Variants in MGAT4A observed in about 807,000 individuals in gnomAD.
MGAT4A encodes the protein alpha-1,3-mannosyl-glycoprotein 4-beta-N-acetylglucosaminyltransferase A.
Under a neutral mutation model 74.1 loss-of-function variants are expected in MGAT4A, and 33 were observed. That is an observed-to-expected ratio of 0.45 (90% CI 0.34 to 0.60). MGAT4A has a LOEUF of 0.60. MGAT4A is among the 20% of genes least tolerant of loss of function. The probability of loss-of-function intolerance (pLI) is 0.02; values close to 1 mark genes in which losing one functional copy is unlikely to be tolerated. For missense variants in MGAT4A, 479 were observed against 628.3 expected, an observed-to-expected ratio of 0.76 and a Z score of 2.54; for synonymous variants, 198 against 210.4, an observed-to-expected ratio of 0.94 and a Z score of 0.51.
intron 9 of MGAT4A, among the ~76,000 whole-genome samples, 159 bp downstream of exon 9, chr2:98,645,269 A>C (rs1701467960): frequency 6.6e-6 from 1 of 152,232 alleles, no homozygotes; most frequent in African/African-American, 2.4e-5. Context: ...GTTGACTTTC[A>C]TCATGTCATA....
At chr2:98,724,803 C>A (rs1702736494) in intron 2 of MGAT4A, among the ~76,000 whole-genome samples, 1 of 151,026 alleles carries the variant, frequency 6.6e-6, no homozygotes, top group South Asian at 2.1e-4. Flanking sequence ...AAAAAAAAAA[C>A]CCATATACTT....
chr2:98,634,833 G>C (rs1032091752), intron 14 of MGAT4A, among the ~76,000 whole-genome samples: 1 of 151,466 alleles, frequency 6.6e-6, no homozygotes, highest in Non-Finnish European at 1.5e-5. Flanking sequence ...CCAGGTATAA[G>C]GCTATGTCAG....
At chr2:98,645,702 T>C (rs1461146540) in intron 8 of MGAT4A, among the ~76,000 whole-genome samples, 160 bp from the exon 9 acceptor site, 1 of 151,806 alleles carries the variant, frequency 6.6e-6, no homozygotes, top group Non-Finnish European at 1.5e-5. Context: ...TAAAAGAAAG[T>C]GAAGAAAACA....
intron 2 of MGAT4A, among the ~76,000 whole-genome samples, chr2:98,703,746 AC>A (rs954341848): frequency 5.9e-5 from 9 of 152,220 alleles, no homozygotes; most frequent in African/African-American, 2.2e-4. Context: ...CTTTAGCCAC[AC>A]TAGCTTCCTT....
rs1702764338 is a variant in MGAT4A at position 98,726,492 on chromosome 2, C to G, written c.-160G>C. Reference sequence around the variant, plus strand: ...CAGATGATCTGCAGGAGGAGCCTAGCAGCAATGCTGTTCACAACTGTACTC... The same window carrying G: ...CAGATGATCTGCAGGAGGAGCCTAGGAGCAATGCTGTTCACAACTGTACTC... On this transcript the variant is annotated 5_prime_UTR_variant, in exon 2 of 16. Coordinates refer to ENST00000393487, the MANE Select transcript of MGAT4A (RefSeq NM_012214.3). 3 of 574,968 alleles carry G rather than the reference C, an allele frequency of 5.2e-6. No individual in the cohort carries two copies. Among genetic ancestry groups the G allele is most frequent in the Non-Finnish European group, 9.2e-6 (3 of 325,610 alleles). The allele number at this position is 574,968 out of a possible 1,614,324, so 35.6% of individuals were successfully genotyped here.
chr2:98,698,781 C>T (rs1702310804), intron 2 of MGAT4A, among the ~76,000 whole-genome samples: 1 of 152,204 alleles, frequency 6.6e-6, no homozygotes, highest in African/African-American at 2.4e-5. Flanking sequence ...CTACCAGATC[C>T]ACCTTCTCTT....
intron 1 of MGAT4A, among the ~76,000 whole-genome samples, chr2:98,729,132 C>T (rs1702807177): frequency 6.7e-6 from 1 of 149,646 alleles, no homozygotes; most frequent in African/African-American, 2.5e-5. Context: ...ACTCTAAAAC[C>T]AAAGTAAACT....
intron 2 of MGAT4A, among the ~76,000 whole-genome samples, chr2:98,705,896 T>C (rs1180225381): frequency 7.0e-6 from 1 of 143,800 alleles, no homozygotes; most frequent in Non-Finnish European, 1.5e-5. Context: ...GAGCCGAGAT[T>C]GCGCCACTGC....
rs1398956779 is a variant in MGAT4A at position 98,655,490 on chromosome 2, A to G, written c.729T>C (p.Cys243=). ...RWRTKQNLDY[C]FLMMYAQEKG... ...TTTCTTGAGCATACATCATTAGAAA[A>G]CAGTAATCTAGGTTTTGCTTTGTTC... Residue 243 remains cysteine, a synonymous_variant, in exon 8 of 16, where the codon TGT becomes TGC. Transcript: ENST00000393487. 6.2e-7 allele frequency: 1 copy of G among 1,611,766 alleles called. No homozygotes were observed. Among genetic ancestry groups the G allele is most frequent in the Non-Finnish European group, 8.5e-7 (1 of 1,178,618 alleles).
At chr2:98,669,768 C>T (rs1287325889) in intron 4 of MGAT4A, among the ~76,000 whole-genome samples, 1 of 152,120 alleles carries the variant, frequency 6.6e-6, no homozygotes, top group Non-Finnish European at 1.5e-5. Context: ...CCTTCTTAGT[C>T]CCCTTATGGT....
chr2:98,725,860 T>C, intron 2 of MGAT4A: 2 of 289,052 alleles, frequency 6.9e-6, no homozygotes, highest in Non-Finnish European at 1.3e-5. Flanking sequence ...ACTAATTGTG[T>C]CCTTTTAAGT....
chr2:98,692,557 G>A (rs957527758), intron 2 of MGAT4A, among the ~76,000 whole-genome samples: 11 of 152,138 alleles, frequency 7.2e-5, no homozygotes, highest in Non-Finnish European at 1.5e-4. Context: ...CTCATCCAGA[G>A]CAACTTCTAC....
At chr2:98,661,775 T>C (rs2104269567) in intron 5 of MGAT4A, among the ~76,000 whole-genome samples, 1 of 152,214 alleles carries the variant, frequency 6.6e-6, no homozygotes, top group East Asian at 1.9e-4. Context: ...ATCACCTCCA[T>C]GAACAGTCTC....
intron 2 of MGAT4A, among the ~76,000 whole-genome samples, chr2:98,688,399 G>A (rs1281602528): frequency 6.6e-6 from 1 of 152,040 alleles, no homozygotes; most frequent in Non-Finnish European, 1.5e-5. Context: ...CACAACCTCT[G>A]CCCCTTGAGT....
At position 98,623,743 on chromosome 2, in the gene MGAT4A, T is replaced by C. The variant is rs1254909094; in HGVS notation, c.*1823A>G. 1 of 985,464 alleles carries C rather than the reference T, an allele frequency of 1.0e-6. No individual in the cohort carries two copies. Among genetic ancestry groups the C allele is most frequent in the Non-Finnish European group, 1.2e-6 (1 of 829,936 alleles). The allele number at this position is 985,464 out of a possible 1,614,324, so 61.0% of individuals were successfully genotyped here. A position where few individuals can be genotyped will look rare whatever the true frequency, so the allele number is the denominator to read the frequency against. On this transcript the variant is annotated 3_prime_UTR_variant, in exon 16 of 16. Coordinates refer to ENST00000393487, the MANE Select transcript of MGAT4A (RefSeq NM_012214.3). ...CATGGAGTGATGGAAATAATTGTAC[T>C]GTATCAGTGTTTCCAAACGTTTGCA...
At chr2:98,625,660 CAAAAT>C (rs1325460261) in intron 15 of MGAT4A, 58 bp downstream of exon 15, 1 of 1,563,716 alleles carries the variant, frequency 6.4e-7, no homozygotes, top group African/African-American at 1.4e-5. Context: ...GCCTTAAATA[CAAAAT>C]AAAAACATAA....
intron 4 of MGAT4A, among the ~76,000 whole-genome samples, chr2:98,671,909 T>C (rs1252115963): frequency 4.2e-5 from 5 of 118,070 alleles, no homozygotes; most frequent in Non-Finnish European, 6.4e-5. Flanking sequence ...ACTTTGACGA[T>C]GAAGGAAGAG....
intron 2 of MGAT4A, among the ~76,000 whole-genome samples, chr2:98,716,256 CA>C (rs1255209405): frequency 5.9e-5 from 9 of 152,176 alleles, no homozygotes; most frequent in African/African-American, 2.2e-4. Context: ...CCCAGGAAGT[CA>C]AGGCTGCAGT....
At chr2:98,637,367 G>C (rs1701339293) in intron 12 of MGAT4A, among the ~76,000 whole-genome samples, 1 of 151,414 alleles carries the variant, frequency 6.6e-6, no homozygotes. Flanking sequence ...AAGAAACAAA[G>C]ACTAGTTCTA....
Sources: allele counts gnomAD v4.1 joint callset (sites outside exome capture counted in the v4.1 genomes callset), GRCh38; gene constraint gnomAD v4.1.1; transcripts MANE v1.5; gene names NCBI Gene and HGNC (gene_info 2026-07-23, HGNC 2026-07-21).